Variants in ZC3H11A observed in about 807,000 individuals in gnomAD.
ZC3H11A encodes the protein zinc finger CCCH-type containing 11A, also known as zinc finger CCCH domain-containing protein 11A.
A neutral mutation model predicts 90.8 loss-of-function variants in ZC3H11A; 22 were observed. The observed-to-expected ratio is 0.24, with a 90% CI of 0.17 to 0.35. ZC3H11A has a LOEUF of 0.35. Ranked by LOEUF, ZC3H11A falls within the 10% of genes least tolerant of loss-of-function variation. The probability of loss-of-function intolerance (pLI) is 1.00; values close to 1 mark genes in which losing one functional copy is unlikely to be tolerated. For missense variants in ZC3H11A, 701 were observed against 964.9 expected, an observed-to-expected ratio of 0.73 and a Z score of 3.62; for synonymous variants, 294 against 339.8, an observed-to-expected ratio of 0.87 and a Z score of 1.48.
chr1:203,806,220 G>T, intron 2 of ZC3H11A: 1 of 390,922 alleles, frequency 2.6e-6, no homozygotes, highest in Non-Finnish European at 5.0e-6. Flanking sequence ...CATTCAGGCT[G>T]GGCAGCGGAG....
intron 15 of ZC3H11A, 41 bp downstream of exon 15, chr1:203,850,067 A>G (rs1227028952): frequency 3.2e-6 from 5 of 1,585,416 alleles, no homozygotes; most frequent in Non-Finnish European, 4.3e-6. Context: ...GGTTATCAAA[A>G]TTACCAAATT....
At chr1:203,832,225 A>AT (rs1682613790) in intron 9 of ZC3H11A, among the ~76,000 whole-genome samples, 1 of 151,548 alleles carries the variant, frequency 6.6e-6, no homozygotes, top group Non-Finnish European at 1.5e-5. Flanking sequence ...AGCCCGGCTG[A>AT]TTTTTTTGTA....
In ZC3H11A at chr1:203,831,163, C is replaced by G. The variant is rs529093669; in HGVS notation, c.701-498C>G. Among the ~76,000 whole-genome samples the G allele has an allele frequency of 7.2e-5, 11 of 151,820 alleles. No individual in the cohort carries two copies. In the South Asian group the frequency reaches 2.3e-3, roughly 32 times the overall value. ...TTCTCCATGTTGGTTGGGCTGGTCT[C>G]GAACTCCCAACCTCAGGTAATCCAC... On this transcript the variant is annotated intron_variant, in intron 8 of 17. Transcript: ENST00000367210.
intron 10 of ZC3H11A, among the ~76,000 whole-genome samples, chr1:203,836,844 G>A (rs1168583034): frequency 1.3e-5 from 2 of 152,188 alleles, no homozygotes; most frequent in East Asian, 3.8e-4. Flanking sequence ...GATGACTTGG[G>A]TAAGATACAG....
At chr1:203,841,446 A>G (rs957036529) in intron 12 of ZC3H11A, among the ~76,000 whole-genome samples, 4 of 152,218 alleles carry the variant, frequency 2.6e-5, no homozygotes, top group African/African-American at 9.6e-5. Context: ...GACACAGCAC[A>G]TGTTTCAGAG....
chr1:203,816,755 C>G (rs1676510080), intron 2 of ZC3H11A, among the ~76,000 whole-genome samples, 171 bp from the exon 3 acceptor site: 1 of 152,108 alleles, frequency 6.6e-6, no homozygotes, highest in Non-Finnish European at 1.5e-5. Context: ...CAAAATTTTA[C>G]ATTGTAGATG....
chr1:203,847,149 A>G, intron 12 of ZC3H11A, 35 bp from the exon 13 acceptor site: 1 of 1,606,214 alleles, frequency 6.2e-7, no homozygotes, highest in African/African-American at 1.3e-5. Context: ...GATGAACTTC[A>G]AGTATAATGA....
intron 11 of ZC3H11A, 59 bp from the exon 12 acceptor site, chr1:203,840,247 T>C (rs1685682070): frequency 1.9e-6 from 3 of 1,552,346 alleles, no homozygotes; most frequent in Admixed American, 3.4e-5. Context: ...CAAACCTGTA[T>C]TTAAGCTGTA....
intron 4 of ZC3H11A, among the ~76,000 whole-genome samples, chr1:203,819,393 T>C (rs1677637934): frequency 6.7e-6 from 1 of 149,434 alleles, no homozygotes; most frequent in Non-Finnish European, 1.5e-5. Context: ...TGCTAATTTT[T>C]GTATTTTTAG....
chr1:203,819,261 G>A (rs935983798), intron 4 of ZC3H11A, among the ~76,000 whole-genome samples: 11 of 136,530 alleles, frequency 8.1e-5, no homozygotes, highest in African/African-American at 3.1e-4. Flanking sequence ...TCACTCTGTC[G>A]CCCACGCTGG....
At position 203,812,261 on chromosome 1, in the gene ZC3H11A, C is replaced by T. The variant is rs191271639; in HGVS notation, c.-145-4665C>T. 1.7e-3 allele frequency among the ~76,000 whole-genome samples: 263 copies of T among 152,188 alleles called. 2 individuals are homozygous for T. Among genetic ancestry groups the T allele is most frequent in the African/African-American group, 5.9e-3 (246 of 41,536 alleles). ...GTATCTATTAGTTGTTTTTCCTGAT[C>T]CTCTCCCTCCTCCCACCTTCTACCT... On this transcript the variant is annotated intron_variant, in intron 2 of 17. Coordinates refer to ENST00000367210, the MANE Select transcript of ZC3H11A (RefSeq NM_001376342.1).
chr1:203,799,845 A>G, intron 1 of ZC3H11A: 2 of 1,526,614 alleles, frequency 1.3e-6, no homozygotes, highest in Non-Finnish European at 1.8e-6. Context: ...TCCTTGCTTT[A>G]AAAACAGTTT....
At chr1:203,832,927 G>A (rs1041091312) in intron 9 of ZC3H11A, among the ~76,000 whole-genome samples, 1 of 152,134 alleles carries the variant, frequency 6.6e-6, no homozygotes, top group Non-Finnish European at 1.5e-5. Context: ...ATACTCGACT[G>A]CTATTAATAA....
At chr1:203,831,803 G>T in intron 9 of ZC3H11A, 32 bp downstream of exon 9, 1 of 1,544,334 alleles carries the variant, frequency 6.5e-7, no homozygotes, top group Non-Finnish European at 8.8e-7. Flanking sequence ...GAGTTGTCAA[G>T]CCTCTACTTT....
chr1:203,798,093 G>A (rs1669242069), intron 1 of ZC3H11A: 1 of 1,536,140 alleles, frequency 6.5e-7, no homozygotes, highest in Non-Finnish European at 8.7e-7. Context: ...CAACAAGTTT[G>A]GAGTTGCTAG....
intron 4 of ZC3H11A, among the ~76,000 whole-genome samples, chr1:203,821,775 TG>T (rs1678780109): frequency 6.6e-6 from 1 of 151,930 alleles, no homozygotes; most frequent in East Asian, 1.9e-4. Context: ...TTTTTTTTTT[TG>T]AGACGGAGTC....
In ZC3H11A at chr1:203,853,626, C is replaced by T. The variant is rs1689677629; in HGVS notation, c.*1227C>T. 1 of 152,648 alleles carries T rather than the reference C, an allele frequency of 6.6e-6. No individual in the cohort carries two copies. The highest frequency in any genetic ancestry group is 2.4e-5 in the African/African-American group (1 of 41,440). The allele number at this position is 152,648 out of a possible 1,614,324, so 9.5% of individuals were successfully genotyped here. Reference sequence around the variant, plus strand: ...GCTGTAGGTGGCCAGTTTTGTTTCTCATAGGGAAATCTGACCCACCTGTCA... The same window carrying T: ...GCTGTAGGTGGCCAGTTTTGTTTCTTATAGGGAAATCTGACCCACCTGTCA... On this transcript the variant is annotated 3_prime_UTR_variant, in exon 18 of 18. Coordinates refer to ENST00000367210, the MANE Select transcript of ZC3H11A (RefSeq NM_001376342.1).
intron 14 of ZC3H11A, 113 bp from the exon 15 acceptor site, chr1:203,849,598 C>A (rs1688781306): frequency 9.8e-7 from 1 of 1,015,602 alleles, no homozygotes; most frequent in Non-Finnish European, 1.5e-6. Context: ...GCTTTTCTCT[C>A]AGATTCTGGA....
intron 12 of ZC3H11A, 83 bp from the exon 13 acceptor site, chr1:203,847,101 T>C: frequency 6.8e-7 from 1 of 1,465,562 alleles, no homozygotes; most frequent in Non-Finnish European, 9.4e-7. Flanking sequence ...TGTTGGACTG[T>C]CTTGATCCAA....
Sources: gnomAD v4.1 joint callset for allele counts (sites outside exome capture counted in the v4.1 genomes callset) on GRCh38, gnomAD v4.1.1 for gene constraint, MANE v1.5 for transcripts, NCBI Gene and HGNC (gene_info 2026-07-23, HGNC 2026-07-21) for gene names.